PRRX1: variants seen among roughly 807,000 people sequenced by gnomAD.
PRRX1 encodes the protein paired related homeobox 1.
PRRX1 carries 8 observed loss-of-function variants against 24.0 expected under a neutral mutation model. That is an observed-to-expected ratio of 0.33 (90% CI 0.20 to 0.60). The LOEUF (loss-of-function observed/expected upper bound fraction) is 0.60, where lower values mean the gene tolerates loss of function less well. Ranked by LOEUF, PRRX1 falls within the 20% of genes least tolerant of loss-of-function variation. PRRX1 has a pLI of 0.82. For synonymous variants in PRRX1, 160 were observed against 131.7 expected (o/e 1.22, Z -1.47); for missense variants, 281 against 322.4 (o/e 0.87, Z 0.98).
Position 170,664,210 on chromosome 1 carries a change from G to A in PRRX1, c.-9G>A. 6.2e-7 allele frequency: 1 copy of A among 1,608,308 alleles called. No homozygotes were observed. Among genetic ancestry groups the A allele is most frequent in the Non-Finnish European group, 8.5e-7 (1 of 1,177,864 alleles). ...AAGAGGGGGGTGGGTGGGATCGGTGGGGGAGACCATGACCTCCAGCTACGG... is the reference window on the plus strand; with the variant it reads ...AAGAGGGGGGTGGGTGGGATCGGTGAGGGAGACCATGACCTCCAGCTACGG... On this transcript the variant is annotated 5_prime_UTR_variant, in exon 1 of 4. Coordinates refer to ENST00000239461, the MANE Select transcript of PRRX1 (RefSeq NM_022716.4).
At chr1:170,689,840 CT>C (rs1653874911) in intron 1 of PRRX1, among the ~76,000 whole-genome samples, 2 of 10,824 alleles carry the variant, frequency 1.8e-4, no homozygotes, top group Admixed American at 1.1e-3. Context: ...CTCTCTCTCC[CT>C]CTCTCTCTCT....
rs539590501 is a variant in PRRX1 at position 170,726,610 on chromosome 1, A to G, written c.599+209A>G. ...GGGGCAGAAGTGAGAGGGGCAGGCTATCTCACCAATCTCCTCTTGGACTCA... is the reference window on the plus strand; with the variant it reads ...GGGGCAGAAGTGAGAGGGGCAGGCTGTCTCACCAATCTCCTCTTGGACTCA... On this transcript the variant is annotated intron_variant, in intron 3 of 3. Transcript: ENST00000239461. 8.2e-4 allele frequency: 465 copies of G among 568,636 alleles called. 12 individuals carry two copies. The South Asian group carries it at 0.01, about 12-fold the overall frequency. The allele number at this position is 568,636 out of a possible 1,614,324, so 35.2% of individuals were successfully genotyped here.
At chr1:170,692,741 T>TCACACA (rs1553252913) in intron 1 of PRRX1, among the ~76,000 whole-genome samples, 5 of 139,568 alleles carry the variant, frequency 3.6e-5, no homozygotes, top group Middle Eastern at 3.8e-3. Context: ...TCTCTCTCTC[T>TCACACA]CACACACACA....
chr1:170,709,294 A>C (rs1654670381), intron 1 of PRRX1, among the ~76,000 whole-genome samples: 1 of 152,188 alleles, frequency 6.6e-6, no homozygotes, highest in African/African-American at 2.4e-5. Context: ...AAAAGTTAGT[A>C]GGTATGGGTA....
intron 1 of PRRX1, among the ~76,000 whole-genome samples, chr1:170,666,269 T>G (rs1652924078): frequency 6.6e-6 from 1 of 151,734 alleles, no homozygotes; most frequent in Non-Finnish European, 1.5e-5. Flanking sequence ...AATACAAAAA[T>G]TAGCCGGGCG....
intron 3 of PRRX1, among the ~76,000 whole-genome samples, chr1:170,732,373 T>C (rs1259325718): frequency 1.3e-5 from 2 of 152,216 alleles, no homozygotes; most frequent in African/African-American, 4.8e-5. Context: ...CTTGCATCTG[T>C]TGACACTTTA....
chr1:170,736,274 G>T lies in PRRX1; in HGVS notation c.*88G>T, dbSNP rs1655600158. On this transcript the variant is annotated 3_prime_UTR_variant, in exon 4 of 4. Transcript: ENST00000239461. Reference sequence around the variant, plus strand: ...CTGTTATTTCTTCATCTGCTGGGGGGAAAAAGTAAATTACAAACAAACAAA... The same window carrying T: ...CTGTTATTTCTTCATCTGCTGGGGGTAAAAAGTAAATTACAAACAAACAAA... The T allele has an allele frequency of 3.3e-6, 5 of 1,532,862 alleles. No homozygotes were observed. The highest frequency in any genetic ancestry group is 1.2e-5 in the South Asian group (1 of 86,472). The allele number at this position is 1,532,862 out of a possible 1,614,324, so 95.0% of individuals were successfully genotyped here. A position where few individuals can be genotyped will look rare whatever the true frequency, so the allele number is the denominator to read the frequency against.
chr1:170,736,464 C>T lies in PRRX1; in HGVS notation c.*278C>T, dbSNP rs774997470. 3.9e-5 allele frequency: 18 copies of T among 458,910 alleles called. No individual in the cohort carries two copies. Among genetic ancestry groups the T allele is most frequent in the Non-Finnish European group, 4.4e-5 (11 of 250,522 alleles). 28.4% of individuals were successfully genotyped at this position (458,910 alleles called of 1,614,324 possible). On this transcript the variant is annotated 3_prime_UTR_variant, in exon 4 of 4. Transcript: ENST00000239461. ...CATTCATGCTTTGCTTAATGTACTC[C>T]AGGCTTCTTCAGCTAGGTTCAGCCC...
chr1:170,698,852 G>C (rs961774482), intron 1 of PRRX1, among the ~76,000 whole-genome samples: 1 of 152,108 alleles, frequency 6.6e-6, no homozygotes, highest in Admixed American at 6.6e-5. Flanking sequence ...GAGGGGAGGA[G>C]GGTGGCTAAG....
chr1:170,715,003 TTAAG>T (rs1377234340), intron 1 of PRRX1, among the ~76,000 whole-genome samples: 6 of 152,114 alleles, frequency 3.9e-5, no homozygotes, highest in African/African-American at 1.4e-4. Context: ...TCTTGGTGGT[TTAAG>T]TAATTCATGT....
intron 1 of PRRX1, among the ~76,000 whole-genome samples, chr1:170,686,578 G>C (rs751193116): frequency 2.0e-5 from 3 of 152,180 alleles, no homozygotes; most frequent in Non-Finnish European, 4.4e-5. Flanking sequence ...GAACAGAGAA[G>C]GAGGTGGCAT....
chr1:170,664,930 C>T lies in PRRX1; in HGVS notation c.241+471C>T, dbSNP rs193165388. ...GCGTATGACGGCTTGAGGGAGGGCA[C>T]CAGGCACAGGGAGCAGGACTTGGCG... On this transcript the variant is annotated intron_variant, in intron 1 of 3. Transcript: ENST00000239461. Among the ~76,000 whole-genome samples, 12 of 152,322 alleles carry T rather than the reference C, an allele frequency of 7.9e-5. No individual in the cohort carries two copies. The East Asian group carries it at 1.4e-3, about 17-fold the overall frequency.
At chr1:170,669,192 A>G (rs520525) in intron 1 of PRRX1, 38,660 of 151,364 alleles carry the variant, frequency 0.26, 5,285 homozygotes, top group South Asian at 0.44. Flanking sequence ...ACCCACCCCC[A>G]TGTTTCAGAG....
intron 3 of PRRX1, 88 bp downstream of exon 3, chr1:170,726,489 A>T: frequency 6.9e-7 from 1 of 1,446,072 alleles, no homozygotes; most frequent in East Asian, 2.3e-5. Context: ...CAGCTCACCG[A>T]CATTTCTTAC....
intron 1 of PRRX1, among the ~76,000 whole-genome samples, chr1:170,716,964 C>G (rs1654925138): frequency 1.3e-5 from 2 of 152,204 alleles, no homozygotes; most frequent in Admixed American, 6.5e-5. Context: ...AGGGAGCTCA[C>G]ATTTTGTGAT....
At chr1:170,712,590 T>TA (rs561860760) in intron 1 of PRRX1, among the ~76,000 whole-genome samples, 43 of 152,220 alleles carry the variant, frequency 2.8e-4, no homozygotes, top group Non-Finnish European at 5.4e-4. Context: ...ATGGTAGCAC[T>TA]GGTAGAAGTA....
At chr1:170,700,198 G>T (rs1488566924) in intron 1 of PRRX1, among the ~76,000 whole-genome samples, 1 of 152,076 alleles carries the variant, frequency 6.6e-6, no homozygotes, top group African/African-American at 2.4e-5. Flanking sequence ...GAATGAGTTG[G>T]TTCAAGCCAA....
intron 1 of PRRX1, among the ~76,000 whole-genome samples, chr1:170,698,743 C>A (rs910398099): frequency 6.6e-6 from 1 of 152,102 alleles, no homozygotes; most frequent in Non-Finnish European, 1.5e-5. Flanking sequence ...GACGGTGGCA[C>A]AACTGTCACA....
At chr1:170,686,261 C>A (rs901222237) in intron 1 of PRRX1, among the ~76,000 whole-genome samples, 1 of 151,114 alleles carries the variant, frequency 6.6e-6, no homozygotes, top group African/African-American at 2.4e-5. Context: ...AATGGCAGCT[C>A]GGAAAAAATG....
Sources: allele counts gnomAD v4.1 joint callset (sites outside exome capture counted in the v4.1 genomes callset), GRCh38; gene constraint gnomAD v4.1.1; transcripts MANE v1.5; gene names NCBI Gene and HGNC (gene_info 2026-07-23, HGNC 2026-07-21).